PRKN: variants seen among roughly 807,000 people sequenced by gnomAD.
The protein encoded by PRKN is E3 ubiquitin-protein ligase parkin.
PRKN carries 56 observed loss-of-function variants against 59.5 expected under a neutral mutation model. The ratio of observed to expected loss-of-function variants is 0.94; its 90% confidence interval spans 0.76 to 1.18. PRKN has a LOEUF of 1.18. PRKN is among the 50% of genes most tolerant of loss of function. The pLI, the probability that PRKN is intolerant of heterozygous loss-of-function variation, is 0.00. For synonymous variants in PRKN, 250 were observed against 222.1 expected (o/e 1.13, Z -1.12); for missense variants, 657 against 596.4 (o/e 1.10, Z -1.06).
chr6:162,556,366 T>TGTGTGTGTGCGC lies in PRKN; in HGVS notation c.8-112894_8-112893insGCGCACACACAC, dbSNP rs1554243445. On this transcript the variant is annotated intron_variant, in intron 1 of 11. Transcript: ENST00000366898. ...TGGTGTGTGTGTGTGTGTGTGTGTG[T>TGTGTGTGTGCGC]GTGTGTGTGTGTGTGTGTGTGTGTG... Among the ~76,000 whole-genome samples, 252 of 98,358 alleles carry TGTGTGTGTGCGC rather than the reference T, an allele frequency of 2.6e-3. 3 individuals are homozygous for TGTGTGTGTGCGC. The highest frequency in any genetic ancestry group is 7.8e-3 in the South Asian group (19 of 2,444). The allele number at this position is 98,358 out of a possible 152,430, so 64.5% of individuals were successfully genotyped here. A position where few individuals can be genotyped will look rare whatever the true frequency, so the allele number is the denominator to read the frequency against.
chr6:162,361,989 G>C (rs1785164467), intron 2 of PRKN, among the ~76,000 whole-genome samples: 1 of 152,164 alleles, frequency 6.6e-6, no homozygotes, highest in Non-Finnish European at 1.5e-5. Flanking sequence ...ATGAAAAATA[G>C]GGACTGTGCA....
In PRKN at chr6:162,539,069, G is replaced by A. The variant is rs150264276; in HGVS notation, c.8-95596C>T. On this transcript the variant is annotated intron_variant, in intron 1 of 11. Transcript: ENST00000366898. ...GAAGGATCGCCTTAATTCTAAACAG[G>A]AGCATCAGTAAAATAGAAACCAGGG... Among the ~76,000 whole-genome samples the A allele has an allele frequency of 9.3e-4, 141 of 152,240 alleles. 1 individual carries two copies. In the Middle Eastern group the frequency reaches 0.041, roughly 44 times the overall value.
chr6:162,540,986 C>T (rs1483061968), intron 1 of PRKN, among the ~76,000 whole-genome samples: 1 of 151,932 alleles, frequency 6.6e-6, no homozygotes, highest in African/African-American at 2.4e-5. Flanking sequence ...AATTACAATC[C>T]AAGTTAAAAG....
At chr6:161,540,703 C>T (rs1263157317) in intron 9 of PRKN, among the ~76,000 whole-genome samples, 1 of 152,142 alleles carries the variant, frequency 6.6e-6, no homozygotes, top group Non-Finnish European at 1.5e-5. Context: ...CAAAATGTAC[C>T]ACACAAAAGG....
chr6:161,568,543 A>C (rs952397713), intron 8 of PRKN, among the ~76,000 whole-genome samples: 2 of 152,200 alleles, frequency 1.3e-5, no homozygotes, highest in Non-Finnish European at 2.9e-5. Flanking sequence ...CAGTGAGCTG[A>C]GATCATGCCA....
At chr6:161,964,022 C>T (rs1439925412) in intron 6 of PRKN, among the ~76,000 whole-genome samples, 1 of 152,070 alleles carries the variant, frequency 6.6e-6, no homozygotes, top group Non-Finnish European at 1.5e-5. Flanking sequence ...TTTACTGCTA[C>T]ATTCTCCTTT....
chr6:161,716,369 C>CT (rs1178518759), intron 7 of PRKN, among the ~76,000 whole-genome samples: 2 of 152,122 alleles, frequency 1.3e-5, no homozygotes, highest in Non-Finnish European at 2.9e-5. Flanking sequence ...AGTAGCAGTG[C>CT]TTTTTTCCCC....
At chr6:161,998,725 G>T (rs1245374486) in intron 5 of PRKN, among the ~76,000 whole-genome samples, 1 of 152,150 alleles carries the variant, frequency 6.6e-6, no homozygotes, top group Non-Finnish European at 1.5e-5. Flanking sequence ...AGTCTTGAGA[G>T]AATAAAAGAT....
rs2084073172 is a variant in PRKN, at chr6:161,582,918, T to A, written c.872-13502A>T. 6.6e-6 allele frequency among the ~76,000 whole-genome samples: 1 copy of A among 150,890 alleles called. No individual in the cohort carries two copies. Among genetic ancestry groups the A allele is most frequent in the Non-Finnish European group, 1.5e-5 (1 of 67,830 alleles). On this transcript the variant is annotated intron_variant, in intron 7 of 11. Coordinates refer to ENST00000366898, the MANE Select transcript of PRKN (RefSeq NM_004562.3). The surrounding 1 kb of genome is among the most constrained non-coding windows in gnomAD (Gnocchi z 4.4). Reference sequence around the variant, plus strand: ...ATAGGAAAAAGACTATGGGAGCCCTTGTGCCAGTGACTAAATTCCAACCAG... The same window carrying A: ...ATAGGAAAAAGACTATGGGAGCCCTAGTGCCAGTGACTAAATTCCAACCAG...
At position 161,566,831 on chromosome 6, in the gene PRKN, G is replaced by A. The variant is rs1173794190; in HGVS notation, c.933+2524C>T. Among the ~76,000 whole-genome samples the A allele has an allele frequency of 1.3e-5, 2 of 152,030 alleles. No homozygotes were observed. Among genetic ancestry groups the A allele is most frequent in the African/African-American group, 4.8e-5 (2 of 41,384 alleles). On this transcript the variant is annotated intron_variant, in intron 8 of 11. Transcript: ENST00000366898. This position sits in a 1 kb window ranked among gnomAD's most constrained non-coding sequence, Gnocchi z 4.1. ...TTTCTGGACTATTATGAATGTTAAA[G>A]CCAGGCACATGATCACATTGGAGCC...
intron 7 of PRKN, among the ~76,000 whole-genome samples, chr6:161,597,772 A>T (rs2128142590): frequency 6.6e-6 from 1 of 152,254 alleles, no homozygotes; most frequent in South Asian, 2.1e-4. Context: ...TTAGTGCATG[A>T]GGTACTGGTG....
intron 4 of PRKN, among the ~76,000 whole-genome samples, chr6:162,073,249 C>A (rs921252859): frequency 2.6e-5 from 4 of 152,210 alleles, no homozygotes; most frequent in African/African-American, 9.6e-5. Flanking sequence ...AAACCTGGGA[C>A]CACTTTCAAG....
At chr6:162,693,264 T>C (rs1379183198) in intron 1 of PRKN, among the ~76,000 whole-genome samples, 1 of 152,172 alleles carries the variant, frequency 6.6e-6, no homozygotes, top group Non-Finnish European at 1.5e-5. Context: ...CTTTCTAACC[T>C]ATCTTGTCCC....
chr6:162,429,726 A>T (rs1789417221), intron 2 of PRKN, among the ~76,000 whole-genome samples: 1 of 152,122 alleles, frequency 6.6e-6, no homozygotes, highest in Non-Finnish European at 1.5e-5. Flanking sequence ...AAAGCTCCAC[A>T]AAAGTGGGGA....
Position 161,350,002 on chromosome 6 carries a change from G to GC in PRKN, c.*96dup, listed in dbSNP as rs1442038671. On this transcript the variant is annotated 3_prime_UTR_variant, in exon 12 of 12. Transcript: ENST00000366898. ...TTGAAGAGTGTGTGTGCGCGCGCGC[G>GC]CGTGTGTGTGTGTGTTTGAAAAGAG... 7 of 834,490 alleles carry GC rather than the reference G, an allele frequency of 8.4e-6. No homozygotes were observed. The highest frequency in any genetic ancestry group is 1.2e-5 in the Non-Finnish European group (6 of 499,486). 51.7% of individuals were successfully genotyped at this position (834,490 alleles called of 1,614,324 possible).
chr6:161,552,434 TCTCTCCCTCAGCTCTGTTC>T lies in PRKN; in HGVS notation c.934-3450_934-3432del, dbSNP rs1199714680. ...TGATCTCACGGTGATCCTCCAAGCC[TCTCTCCCTCAGCTCTGTTC>T]ACCTCCGCCTATGACTGTGAATGAT... is the stretch of plus-strand genomic sequence containing the variant. On this transcript the variant is annotated intron_variant, in intron 8 of 11. Transcript: ENST00000366898. The surrounding 1 kb of genome is among the most constrained non-coding windows in gnomAD (Gnocchi z 4.9). Among the ~76,000 whole-genome samples, 49,977 of 97,176 alleles carry T rather than the reference TCTCTCCCTCAGCTCTGTTC, an allele frequency of 0.51. 14,245 individuals carry two copies. The highest frequency in any genetic ancestry group is 0.67 in the East Asian group (2,438 of 3,614). 63.8% of individuals were successfully genotyped at this position (97,176 alleles called of 152,430 possible). A position where few individuals can be genotyped will look rare whatever the true frequency, so the allele number is the denominator to read the frequency against.
rs148504400 is a variant in PRKN, at chr6:162,228,105, C to T, written c.413-26853G>A. ...CACTACGCTGAGCTCATTCAAGGACCTGGGCATAAAGCAAATTACAAGAGG... is the reference window on the plus strand; with the variant it reads ...CACTACGCTGAGCTCATTCAAGGACTTGGGCATAAAGCAAATTACAAGAGG... On this transcript the variant is annotated intron_variant, in intron 3 of 11. Coordinates refer to ENST00000366898, the MANE Select transcript of PRKN (RefSeq NM_004562.3). Among the ~76,000 whole-genome samples the T allele has an allele frequency of 5.5e-4, 84 of 152,204 alleles. 1 individual carries two copies. The East Asian group carries it at 0.014, about 26-fold the overall frequency.
intron 7 of PRKN, among the ~76,000 whole-genome samples, chr6:161,607,048 C>A (rs1352534600): frequency 6.6e-6 from 1 of 152,172 alleles, no homozygotes; most frequent in Non-Finnish European, 1.5e-5. Flanking sequence ...TTCTGCCTCC[C>A]TTCCAGACTG....
intron 4 of PRKN, among the ~76,000 whole-genome samples, chr6:162,176,554 C>T (rs1239297715): frequency 6.6e-6 from 1 of 151,892 alleles, no homozygotes; most frequent in Non-Finnish European, 1.5e-5. Context: ...CTTCATCACA[C>T]CACATATGAA....
Sources: allele counts gnomAD v4.1 joint callset (sites outside exome capture counted in the v4.1 genomes callset), GRCh38; gene constraint gnomAD v4.1.1; non-coding constraint Gnocchi (gnomAD v3.1); transcripts MANE v1.5; gene names NCBI Gene and HGNC (gene_info 2026-07-23, HGNC 2026-07-21).